The following HEPACAM variants were observed in gnomAD, a reference collection of about 807,000 sequenced individuals.
HEPACAM encodes hepatic and glial cell adhesion molecule, also known as hepatocyte cell adhesion molecule.
A neutral mutation model predicts 38.3 loss-of-function variants in HEPACAM; 18 were observed. That is an observed-to-expected ratio of 0.47 (90% CI 0.33 to 0.70). HEPACAM has a LOEUF of 0.70. HEPACAM is among the 30% of genes least tolerant of loss of function. HEPACAM has a pLI of 0.03. For synonymous variants in HEPACAM, 216 were observed against 243.1 expected (o/e 0.89, Z 1.04); for missense variants, 466 against 563.0 (o/e 0.83, Z 1.74).
Position 124,921,109 on chromosome 11 carries a change from G to C in HEPACAM, c.*29C>G. On this transcript the variant is annotated 3_prime_UTR_variant, in exon 7 of 7. Transcript: ENST00000298251. This position sits in a 1 kb window ranked among gnomAD's most constrained non-coding sequence, Gnocchi z 4.6. Reference sequence around the variant, plus strand: ...CCCCGGGCCACTGGCCGCAGACCGCGGGCGCCTCTCAGGGGATCCCGAGGC... The same window carrying C: ...CCCCGGGCCACTGGCCGCAGACCGCCGGCGCCTCTCAGGGGATCCCGAGGC... 6.6e-7 allele frequency: 1 copy of C among 1,519,880 alleles called. No homozygotes were observed. Among genetic ancestry groups the C allele is most frequent in the East Asian group, 2.5e-5 (1 of 39,560 alleles). The allele number at this position is 1,519,880 out of a possible 1,614,324, so 94.1% of individuals were successfully genotyped here.
chr11:124,926,270 A>G (rs927071818), intron 1 of HEPACAM, among the ~76,000 whole-genome samples: 4 of 152,216 alleles, frequency 2.6e-5, no homozygotes, highest in Non-Finnish European at 5.9e-5. Flanking sequence ...GGAAAGTACA[A>G]TATGCATATT....
chr11:124,929,021 T>G (rs1298749333), intron 1 of HEPACAM, among the ~76,000 whole-genome samples: 3 of 152,180 alleles, frequency 2.0e-5, no homozygotes, highest in Non-Finnish European at 4.4e-5. Context: ...AGGATTCTCA[T>G]TTCCTTCTTC....
chr11:124,934,963 C>T (rs1947324425), intron 1 of HEPACAM, among the ~76,000 whole-genome samples: 1 of 152,182 alleles, frequency 6.6e-6, no homozygotes, highest in Admixed American at 6.5e-5. Context: ...CAGTGATGAA[C>T]TGCTGGGCTC....
In HEPACAM at chr11:124,924,976, G is replaced by C. The variant is rs760856351; in HGVS notation, c.179C>G (p.Thr60Ser). ...SALLSVQYSS[T>S]SSDRPVVKWQ... Reference sequence around the variant, plus strand: ...CTTCACTACAGGCCTGTCGCTGCTGGTACTGCTGTACTGCACAGAAAGCAG... The same window carrying C: ...CTTCACTACAGGCCTGTCGCTGCTGCTACTGCTGTACTGCACAGAAAGCAG... Residue 60 changes from threonine (T) to serine (S), a missense_variant, in exon 2 of 7, where the codon ACC (threonine) becomes AGC (serine). Physicochemically the swap from Thr to Ser is moderately conservative, Grantham distance 58 (BLOSUM62 1). Transcript: ENST00000298251. The surrounding 1 kb of genome is among the most constrained non-coding windows in gnomAD (Gnocchi z 4.4). 6.2e-7 allele frequency: 1 copy of C among 1,613,188 alleles called. No homozygotes were observed. The highest frequency in any genetic ancestry group is 8.5e-7 in the Non-Finnish European group (1 of 1,179,208).
chr11:124,920,594 C>A lies in HEPACAM; in HGVS notation c.*544G>T. The A allele has an allele frequency of 8.7e-7, 1 of 1,154,540 alleles. No individual in the cohort carries two copies. 71.5% of individuals were successfully genotyped at this position (1,154,540 alleles called of 1,614,324 possible). ...TCCCCCCAGCTCAGAACAGCCCCTG[C>A]ACACCCAGTAACCGGCATCTGGCTT... is the stretch of plus-strand genomic sequence containing the variant. On this transcript the variant is annotated 3_prime_UTR_variant, in exon 7 of 7. Transcript: ENST00000298251.
In HEPACAM at chr11:124,921,293, C is replaced by A. The variant is rs758434959; in HGVS notation, c.1096G>T (p.Ala366Ser). 5.0e-5 allele frequency: 66 copies of A among 1,312,700 alleles called. 3 individuals carry two copies. In the South Asian group the frequency reaches 1.4e-3, roughly 28 times the overall value. The allele number at this position is 1,312,700 out of a possible 1,614,324, so 81.3% of individuals were successfully genotyped here. Residue 366 changes from alanine to serine, a missense_variant, in exon 7 of 7, where the codon GCG becomes TCG. Transcript: ENST00000298251. This position sits in a 1 kb window ranked among gnomAD's most constrained non-coding sequence, Gnocchi z 4.6. ...GTCCGGCCGGTGGCTGGGGAGCGCG[C>A]TGGGGAGCGCGGGTAGCGGCGGGCA... ...RSARRYPRSP[A>S]RSPATGRTHS...
chr11:124,930,647 G>T (rs1489843528), intron 1 of HEPACAM, among the ~76,000 whole-genome samples: 1 of 152,184 alleles, frequency 6.6e-6, no homozygotes, highest in Non-Finnish European at 1.5e-5. Flanking sequence ...ATCCCAGGAG[G>T]TTTACTTTGT....
intron 1 of HEPACAM, among the ~76,000 whole-genome samples, chr11:124,933,658 C>T (rs1440445539): frequency 6.6e-6 from 1 of 152,162 alleles, no homozygotes; most frequent in African/African-American, 2.4e-5. Context: ...TTCCTATTCT[C>T]AACTCACTGT....
chr11:124,925,077 C>CAG lies in HEPACAM; in HGVS notation c.86-10_86-9dup. On this transcript the variant is annotated splice_polypyrimidine_tract_variant and intron_variant, in intron 1 of 6. Transcript: ENST00000298251. ...TCACCCCCTCCAGGGGGTCTGTGAA[C>CAG]AGAGGCCCATGAGGAAGAGGGAAGC... is the stretch of plus-strand genomic sequence containing the variant. 1 of 1,575,154 alleles carries CAG rather than the reference C, an allele frequency of 6.3e-7. No homozygotes were observed. Among genetic ancestry groups the CAG allele is most frequent in the Non-Finnish European group, 8.6e-7 (1 of 1,158,624 alleles).
chr11:124,921,429 C>A lies in HEPACAM; in HGVS notation c.960G>T (p.Glu320Asp), dbSNP rs1408008304. The A allele has an allele frequency of 7.9e-7, 1 of 1,270,184 alleles. No homozygotes were observed. The highest frequency in any genetic ancestry group is 9.9e-7 in the Non-Finnish European group (1 of 1,011,012). 78.7% of individuals were successfully genotyped at this position (1,270,184 alleles called of 1,614,324 possible). ...GCTCCGGGGCCGGGTTCTCCTCGGT[C>A]TCCGGGGAGTCCTGCAAGGACACGC... ...LYILKDKDSP[E>D]TEENPAPEPR... is the part of the protein sequence containing the mutation. Residue 320 changes from glutamate to aspartate, a missense_variant, in exon 7 of 7, where the codon GAG (glutamate) becomes GAT (aspartate). Glu to Asp is a conservative substitution (Grantham distance 45, BLOSUM62 2). Transcript: ENST00000298251. This position sits in a 1 kb window ranked among gnomAD's most constrained non-coding sequence, Gnocchi z 4.6.
chr11:124,922,916 C>G, intron 4 of HEPACAM, 98 bp from the exon 5 acceptor site: 1 of 1,245,304 alleles, frequency 8.0e-7, no homozygotes, highest in Non-Finnish European at 1.2e-6. Flanking sequence ...ATAAAAGAGG[C>G]CTTGTGACAG....
chr11:124,920,534 T>G lies in HEPACAM; in HGVS notation c.*604A>C. ...CCTCACCACCTTGTAGGTCCCCAGG[T>G]ACCAGGTGCCCAGGGAAGAAGGCCT... On this transcript the variant is annotated 3_prime_UTR_variant, in exon 7 of 7. Coordinates refer to ENST00000298251, the MANE Select transcript of HEPACAM (RefSeq NM_152722.5). The G allele has an allele frequency of 7.1e-7, 1 of 1,418,150 alleles. No individual in the cohort carries two copies. Among genetic ancestry groups the G allele is most frequent in the Non-Finnish European group, 9.4e-7 (1 of 1,068,052 alleles). 87.8% of individuals were successfully genotyped at this position (1,418,150 alleles called of 1,614,324 possible).
At chr11:124,927,589 G>A (rs990062215) in intron 1 of HEPACAM, among the ~76,000 whole-genome samples, 11 of 136,622 alleles carry the variant, frequency 8.1e-5, no homozygotes, top group Non-Finnish European at 1.2e-4. Flanking sequence ...GGCTGGTCTT[G>A]AACTCCTGAG....
Position 124,920,678 on chromosome 11 carries a change from C to CGGAAA in HEPACAM, c.*459_*460insTTTCC, listed in dbSNP as rs886047925. On this transcript the variant is annotated 3_prime_UTR_variant, in exon 7 of 7. Coordinates refer to ENST00000298251, the MANE Select transcript of HEPACAM (RefSeq NM_152722.5). The stretch of plus-strand genomic sequence containing the variant: ...AAGTGGCCTCTCTAATCTGAACTTG[C>CGGAAA]AAAAAAAAAAAAAAAAAAAAAAAAA... 5.0e-5 allele frequency: 29 copies of CGGAAA among 575,244 alleles called. No homozygotes were observed. In the African/African-American group the frequency reaches 7.9e-4, roughly 16 times the overall value. 35.6% of individuals were successfully genotyped at this position (575,244 alleles called of 1,614,324 possible).
Position 124,922,420 on chromosome 11 carries a change from T to G in HEPACAM, c.916A>C (p.Asn306His), listed in dbSNP as rs200548261. ...TTCAGGATATAGAGTGCCATGGGGTTCTTCCGTTCCTGCTCACCACTTCGA... is the reference window on the plus strand; with the variant it reads ...TTCAGGATATAGAGTGCCATGGGGTGCTTCCGTTCCTGCTCACCACTTCGA... ...LPRSGEQERK[N>H]PMALYILKDK... Residue 306 changes from asparagine (N) to histidine (H), a missense_variant, in exon 6 of 7, where the codon AAC (asparagine) becomes CAC (histidine). By Grantham distance (68) the Asn-to-His change is moderately conservative. Transcript: ENST00000298251. 1.1e-5 allele frequency: 17 copies of G among 1,614,018 alleles called. No homozygotes were observed. Among genetic ancestry groups the G allele is most frequent in the Non-Finnish European group, 1.3e-5 (15 of 1,180,008 alleles).
At chr11:124,927,216 G>A (rs962275073) in intron 1 of HEPACAM, among the ~76,000 whole-genome samples, 3 of 152,102 alleles carry the variant, frequency 2.0e-5, no homozygotes, top group African/African-American at 7.2e-5. Flanking sequence ...GCTAAGTAGT[G>A]AGCTCCTCAT....
Position 124,920,616 on chromosome 11 carries a change from G to A in HEPACAM, c.*522C>T. On this transcript the variant is annotated 3_prime_UTR_variant, in exon 7 of 7. Transcript: ENST00000298251. Reference sequence around the variant, plus strand: ...CTGCACACCCAGTAACCGGCATCTGGCTTCTCCTTAGCTTAGTGCAGCTGT... The same window carrying A: ...CTGCACACCCAGTAACCGGCATCTGACTTCTCCTTAGCTTAGTGCAGCTGT... 2 of 1,066,840 alleles carry A rather than the reference G, an allele frequency of 1.9e-6. No homozygotes were observed. The highest frequency in any genetic ancestry group is 3.1e-5 in the South Asian group (1 of 31,956). 66.1% of individuals were successfully genotyped at this position (1,066,840 alleles called of 1,614,324 possible).
rs760779342 is a variant in HEPACAM, at chr11:124,922,769, T to G, written c.853A>C (p.Asn285His). The G allele has an allele frequency of 6.2e-6, 10 of 1,614,094 alleles. No homozygotes were observed. The East Asian group carries it at 2.2e-4, about 36-fold the overall frequency. Residue 285 changes from asparagine to histidine, a missense_variant, in exon 5 of 7, where the codon AAT (asparagine) becomes CAT (histidine). By Grantham distance (68) the Asn-to-His change is moderately conservative. Coordinates refer to ENST00000298251, the MANE Select transcript of HEPACAM (RefSeq NM_152722.5). ...KQNSLEYMDQ[N>H]DDRLKPEADT... Reference sequence around the variant, plus strand: ...CCTTCTGGTTTCAGGCGGTCATCATTCTGATCCATGTATTCCAGGGAGTTT... The same window carrying G: ...CCTTCTGGTTTCAGGCGGTCATCATGCTGATCCATGTATTCCAGGGAGTTT...
intron 1 of HEPACAM, among the ~76,000 whole-genome samples, chr11:124,930,469 C>T (rs147217862): frequency 3.7e-3 from 560 of 152,248 alleles, no homozygotes; most frequent in African/African-American, 0.012. Context: ...GAGCTGGTAG[C>T]TTTTTATCTA....
Sources: gnomAD v4.1 joint callset for allele counts (sites outside exome capture counted in the v4.1 genomes callset) on GRCh38, gnomAD v4.1.1 for gene constraint, Gnocchi (gnomAD v3.1) non-coding constraint, MANE v1.5 for transcripts, NCBI Gene and HGNC (gene_info 2026-07-23, HGNC 2026-07-21) for gene names.